The following C9 variants were observed in gnomAD, a reference collection of about 807,000 sequenced individuals.
C9 encodes complement component C9.
In C9, 63 loss-of-function variants were observed where a neutral mutation model predicts 65.4. The observed-to-expected ratio is 0.96, with a 90% CI of 0.79 to 1.19. C9 has a LOEUF of 1.19. Ranked by LOEUF, C9 falls within the 50% of genes most tolerant of loss-of-function variation. The pLI is 0.00. For synonymous variants in C9, 229 were observed against 227.9 expected (o/e 1.00, Z -0.04); for missense variants, 744 against 670.1 (o/e 1.11, Z -1.22).
intron 5 of C9, among the ~76,000 whole-genome samples, chr5:39,317,424 G>T (rs557590920): frequency 6.6e-6 from 1 of 152,106 alleles, no homozygotes; most frequent in Non-Finnish European, 1.5e-5. Flanking sequence ...GCCCATGCCT[G>T]TGTCCTGAAT....
At chr5:39,352,139 A>G (rs1412053056) in intron 1 of C9, among the ~76,000 whole-genome samples, 2 of 152,210 alleles carry the variant, frequency 1.3e-5, no homozygotes, top group Admixed American at 6.5e-5. Context: ...TGAAGGGAGA[A>G]GTACTACATA....
intron 1 of C9, among the ~76,000 whole-genome samples, chr5:39,349,482 A>G (rs1259966053): frequency 3.3e-5 from 5 of 152,226 alleles, no homozygotes; most frequent in African/African-American, 1.2e-4. Context: ...AAGCACATTT[A>G]TGTCTTTCTG....
chr5:39,301,277 T>TA (rs1337872149), intron 9 of C9, among the ~76,000 whole-genome samples: 1 of 151,804 alleles, frequency 6.6e-6, no homozygotes, highest in Non-Finnish European at 1.5e-5. Flanking sequence ...CCAGTCCTCA[T>TA]AAAAAGTGTC....
At chr5:39,287,352 A>G (rs1380939024) in intron 10 of C9, among the ~76,000 whole-genome samples, 1 of 151,942 alleles carries the variant, frequency 6.6e-6, no homozygotes, top group Non-Finnish European at 1.5e-5. Context: ...ATCTATCTCA[A>G]GTTAATTTTT....
At chr5:39,359,015 A>AT (rs1554052483) in intron 1 of C9, among the ~76,000 whole-genome samples, 4,587 of 38,570 alleles carry the variant, frequency 0.12, 177 homozygotes, top group Middle Eastern at 0.2. Context: ...AAATAAATAA[A>AT]AAATATATAT....
At chr5:39,350,382 A>G (rs886417150) in intron 1 of C9, among the ~76,000 whole-genome samples, 27 of 152,126 alleles carry the variant, frequency 1.8e-4, no homozygotes, top group African/African-American at 5.8e-4. Flanking sequence ...CCAAAATCTC[A>G]TGTTCTTCTC....
At chr5:39,356,444 G>A (rs1754414348) in intron 1 of C9, among the ~76,000 whole-genome samples, 1 of 152,222 alleles carries the variant, frequency 6.6e-6, no homozygotes. Flanking sequence ...ACAGCAAGTG[G>A]ACAAGAATGC....
At chr5:39,324,783 C>T (rs941190809) in intron 5 of C9, among the ~76,000 whole-genome samples, 5 of 152,078 alleles carry the variant, frequency 3.3e-5, no homozygotes, top group African/African-American at 1.2e-4. Flanking sequence ...GACGAGAGAC[C>T]AAGGGGCAAG....
intron 1 of C9, among the ~76,000 whole-genome samples, chr5:39,344,431 G>A (rs1226509028): frequency 6.6e-6 from 1 of 152,188 alleles, no homozygotes. Context: ...AGTGATTGAA[G>A]ATCAAATGAA....
intron 4 of C9, among the ~76,000 whole-genome samples, chr5:39,340,459 G>A (rs534663): frequency 0.5 from 75,440 of 152,018 alleles, 19,781 homozygotes; most frequent in African/African-American, 0.68. Context: ...CTCTGACTAT[G>A]TATGGAACAG....
At chr5:39,311,088 T>G in intron 7 of C9, 49 bp downstream of exon 7, 1 of 1,600,700 alleles carries the variant, frequency 6.2e-7, no homozygotes, top group Non-Finnish European at 8.6e-7. Context: ...AACAAAATAA[T>G]GTTTGGTCAA....
At chr5:39,306,939 T>G in intron 8 of C9, 147 bp from the exon 9 acceptor site, 1 of 620,516 alleles carries the variant, frequency 1.6e-6, no homozygotes, top group African/African-American at 1.8e-5. Context: ...AAATATTGCT[T>G]ATGCATTTTT....
intron 9 of C9, among the ~76,000 whole-genome samples, chr5:39,296,864 T>C (rs1325579467): frequency 1.3e-5 from 2 of 151,044 alleles, no homozygotes; most frequent in African/African-American, 4.9e-5. Context: ...TTTTCTCTTA[T>C]ATGTGGAAGC....
chr5:39,285,027 A>G lies in C9; in HGVS notation c.*172T>C. On this transcript the variant is annotated 3_prime_UTR_variant, in exon 11 of 11. Transcript: ENST00000263408. The stretch of plus-strand genomic sequence containing the variant: ...ATGGAAACATCACAGGAGTTTAAGG[A>G]AGAAAAATTTAAAAAAAAATTATAG... The G allele has an allele frequency of 1.7e-6, 1 of 605,890 alleles. No homozygotes were observed. The highest frequency in any genetic ancestry group is 2.2e-5 in the South Asian group (1 of 45,882). 37.5% of individuals were successfully genotyped at this position (605,890 alleles called of 1,614,324 possible). A position where few individuals can be genotyped will look rare whatever the true frequency, so the allele number is the denominator to read the frequency against.
intron 7 of C9, among the ~76,000 whole-genome samples, chr5:39,309,724 T>C (rs1203229889): frequency 6.6e-6 from 1 of 152,122 alleles, no homozygotes; most frequent in African/African-American, 2.4e-5. Flanking sequence ...ATATTGGCAC[T>C]GGAGAAGTGA....
intron 1 of C9, among the ~76,000 whole-genome samples, chr5:39,346,354 A>T (rs1416725561): frequency 2.6e-5 from 4 of 152,242 alleles, no homozygotes; most frequent in African/African-American, 9.6e-5. Flanking sequence ...CACTGATCCC[A>T]CAGAAATACA....
chr5:39,308,978 C>G (rs775878131), intron 7 of C9, among the ~76,000 whole-genome samples: 11 of 152,132 alleles, frequency 7.2e-5, no homozygotes, highest in Admixed American at 3.9e-4. Flanking sequence ...CTTAATGTAG[C>G]TGGTTCATCG....
At position 39,284,948 on chromosome 5, in the gene C9, G is replaced by T; in HGVS notation, c.*251C>A. Reference sequence around the variant, plus strand: ...TTAGAAGAGATTGGCATTTTCCGTGGGATAAAGCAGTTCTGGCGTATTTCA... The same window carrying T: ...TTAGAAGAGATTGGCATTTTCCGTGTGATAAAGCAGTTCTGGCGTATTTCA... On this transcript the variant is annotated 3_prime_UTR_variant, in exon 11 of 11. Transcript: ENST00000263408. 1 of 449,358 alleles carries T rather than the reference G, an allele frequency of 2.2e-6. No individual in the cohort carries two copies. The allele number at this position is 449,358 out of a possible 1,614,324, so 27.8% of individuals were successfully genotyped here. A position where few individuals can be genotyped will look rare whatever the true frequency, so the allele number is the denominator to read the frequency against.
chr5:39,289,198 T>C (rs753125860), intron 9 of C9, among the ~76,000 whole-genome samples: 8 of 151,392 alleles, frequency 5.3e-5, no homozygotes, highest in Admixed American at 2.0e-4. Flanking sequence ...AAATTTCAAA[T>C]AGAAAGTGTG....
Sources: gnomAD v4.1 joint callset for allele counts (sites outside exome capture counted in the v4.1 genomes callset) on GRCh38, gnomAD v4.1.1 for gene constraint, MANE v1.5 for transcripts, NCBI Gene and HGNC (gene_info 2026-07-23, HGNC 2026-07-21) for gene names.